USP8: variants seen among roughly 807,000 people sequenced by gnomAD.
The protein encoded by USP8 is ubiquitin specific peptidase 8, also known as ubiquitin carboxyl-terminal hydrolase 8.
In USP8, 27 loss-of-function variants were observed where a neutral mutation model predicts 130.0. The observed-to-expected ratio is 0.21, with a 90% CI of 0.15 to 0.29. The LOEUF is 0.29. USP8 is among the 10% of genes least tolerant of loss of function. The probability of loss-of-function intolerance (pLI) is 1.00; values close to 1 mark genes in which losing one functional copy is unlikely to be tolerated. For synonymous variants in USP8, 392 were observed against 444.1 expected, an observed-to-expected ratio of 0.88 and a Z score of 1.48; for missense variants, 1,029 against 1,312.2, an observed-to-expected ratio of 0.78 and a Z score of 3.33.
chr15:50,449,971 G>A (rs2050571519), intron 4 of USP8, among the ~76,000 whole-genome samples: 1 of 136,976 alleles, frequency 7.3e-6, no homozygotes, highest in African/African-American at 2.8e-5. Flanking sequence ...TCAGCTCACT[G>A]CAGACTCCGC....
In USP8 at chr15:50,513,773, G is replaced by A. The variant is rs2052770950; in HGVS notation, c.*14685G>A. The A allele has an allele frequency of 6.6e-6, 1 of 152,212 alleles. No individual in the cohort carries two copies. Among genetic ancestry groups the A allele is most frequent in the African/African-American group, 2.4e-5 (1 of 41,454 alleles). The allele number at this position is 152,212 out of a possible 1,614,324, so 9.4% of individuals were successfully genotyped here. On this transcript the variant is annotated 3_prime_UTR_variant, in exon 20 of 20. Coordinates refer to ENST00000307179, the MANE Select transcript of USP8 (RefSeq NM_005154.5). Reference sequence around the variant, plus strand: ...CAAAACGAACAAAAGACTACCAAGTGTTAACAAGGATTTAAGGCAACTGAA... The same window carrying A: ...CAAAACGAACAAAAGACTACCAAGTATTAACAAGGATTTAAGGCAACTGAA...
At chr15:50,430,002 ACAGACATTGGCCTGGTTTGCT>A (rs2049879433) in intron 1 of USP8, among the ~76,000 whole-genome samples, 1 of 152,230 alleles carries the variant, frequency 6.6e-6, no homozygotes, top group Non-Finnish European at 1.5e-5. Flanking sequence ...AATAAAACAA[ACAGACATTGGCCTGGTTTGCT>A]AAGTGCCTAT....
Position 50,471,791 on chromosome 15 carries a change from T to C in USP8, c.845T>C (p.Phe282Ser), listed in dbSNP as rs774737015. 1 of 1,613,748 alleles carries C rather than the reference T, an allele frequency of 6.2e-7. No homozygotes were observed. The highest frequency in any genetic ancestry group is 8.5e-7 in the Non-Finnish European group (1 of 1,179,936). The stretch of plus-strand genomic sequence containing the variant: ...CTCCGGAGTCTGAAAGATGCACTTT[T>C]CAAGGTTTGCAAGTTTCATTGTTAG... Reference protein sequence around the residue: ...TTLRSLKDALFKWESKTVLRN... With the variant: ...TTLRSLKDALSKWESKTVLRN... Residue 282 changes from phenylalanine to serine, a missense_variant, in exon 8 of 20, where the codon TTC becomes TCC. Coordinates refer to ENST00000307179, the MANE Select transcript of USP8 (RefSeq NM_005154.5).
intron 1 of USP8, among the ~76,000 whole-genome samples, chr15:50,426,662 A>T (rs1401157290): frequency 1.3e-5 from 2 of 152,226 alleles, no homozygotes; most frequent in African/African-American, 4.8e-5. Context: ...CTTGAACAGT[A>T]TGGCGGCTAG....
intron 4 of USP8, among the ~76,000 whole-genome samples, chr15:50,454,407 T>G (rs1279991593): frequency 6.6e-6 from 1 of 152,126 alleles, no homozygotes; most frequent in African/African-American, 2.4e-5. Flanking sequence ...TGTTTTGTTT[T>G]GTTTTAATCA....
At chr15:50,455,404 T>G (rs1465829620) in intron 4 of USP8, among the ~76,000 whole-genome samples, 1 of 143,498 alleles carries the variant, frequency 7.0e-6, no homozygotes, top group African/African-American at 2.5e-5. Context: ...GTGTGGTTCT[T>G]TTTTATAGCG....
chr15:50,456,660 T>G (rs1035411335), intron 4 of USP8, among the ~76,000 whole-genome samples: 1 of 151,048 alleles, frequency 6.6e-6, no homozygotes, highest in African/African-American at 2.4e-5. Flanking sequence ...CCGACGAGGG[T>G]GGATCACTTT....
At chr15:50,493,571 A>T in intron 15 of USP8, 3 of 490,190 alleles carry the variant, frequency 6.1e-6, no homozygotes, top group Non-Finnish European at 1.2e-5. Flanking sequence ...CTGGGCAACA[A>T]GGCAAAACTC....
intron 14 of USP8, 121 bp from the exon 15 acceptor site, chr15:50,492,580 T>C (rs558746348): frequency 1.1e-6 from 1 of 921,950 alleles, no homozygotes; most frequent in Admixed American, 2.8e-5. Flanking sequence ...TGAGTTAACA[T>C]ATTAACTGTT....
chr15:50,513,739 G>A lies in USP8; in HGVS notation c.*14651G>A, dbSNP rs986478642. The A allele has an allele frequency of 4.6e-5, 7 of 152,142 alleles. No homozygotes were observed. The highest frequency in any genetic ancestry group is 2.1e-4 in the South Asian group (1 of 4,830). 9.4% of individuals were successfully genotyped at this position (152,142 alleles called of 1,614,324 possible). ...CATTCTACTATATGGGCAACCAGAA[G>A]GGCCAAAACAAAACGAACAAAAGAC... On this transcript the variant is annotated 3_prime_UTR_variant, in exon 20 of 20. Coordinates refer to ENST00000307179, the MANE Select transcript of USP8 (RefSeq NM_005154.5).
At position 50,456,263 on chromosome 15, in the gene USP8, G is replaced by C. The variant is rs548837207; in HGVS notation, c.336-2737G>C. The stretch of plus-strand genomic sequence containing the variant: ...TGGAATACATAATTCAGAAGGAATT[G>C]CTAAGCGTAAAGATAGAAACTGCTT... On this transcript the variant is annotated intron_variant, in intron 4 of 19. Transcript: ENST00000307179. Among the ~76,000 whole-genome samples, 19 of 152,234 alleles carry C rather than the reference G, an allele frequency of 1.2e-4. No homozygotes were observed. The South Asian group carries it at 1.7e-3, about 13-fold the overall frequency.
Position 50,509,058 on chromosome 15 carries a change from C to CCA in USP8, c.*9970_*9971insCA. On this transcript the variant is annotated 3_prime_UTR_variant, in exon 20 of 20. Transcript: ENST00000307179. ...CTGAGGCAGGAGAATGGCGTGAACC[C>CCA]GGGGTCGGAGCTTGCAGTGAGCCAA... is the stretch of plus-strand genomic sequence containing the variant. 1 of 144,956 alleles carries CCA rather than the reference C, an allele frequency of 6.9e-6. No individual in the cohort carries two copies. Among genetic ancestry groups the CCA allele is most frequent in the South Asian group, 2.2e-4 (1 of 4,512 alleles). The allele number at this position is 144,956 out of a possible 1,614,324, so 9.0% of individuals were successfully genotyped here. A position where few individuals can be genotyped will look rare whatever the true frequency, so the allele number is the denominator to read the frequency against.
intron 16 of USP8, 87 bp from the exon 17 acceptor site, chr15:50,495,761 G>GTATTTACTTTT: frequency 9.4e-7 from 1 of 1,064,522 alleles, no homozygotes; most frequent in Admixed American, 2.6e-5. Context: ...TTCTAAATCT[G>GTATTTACTTTT]GCAAGTGTTT....
rs1021307647 is a variant in USP8 at position 50,503,859 on chromosome 15, A to G, written c.*4771A>G. The G allele has an allele frequency of 3.9e-5, 6 of 152,226 alleles. No homozygotes were observed. Among genetic ancestry groups the G allele is most frequent in the African/African-American group, 1.4e-4 (6 of 41,464 alleles). 9.4% of individuals were successfully genotyped at this position (152,226 alleles called of 1,614,324 possible). ...AAATAATAGAACATGCAAGGAAACAATTTATCATAAGAGTCAGAAGGCAAT... is the reference window on the plus strand; with the variant it reads ...AAATAATAGAACATGCAAGGAAACAGTTTATCATAAGAGTCAGAAGGCAAT... On this transcript the variant is annotated 3_prime_UTR_variant, in exon 20 of 20. Transcript: ENST00000307179.
chr15:50,465,218 A>T, intron 7 of USP8, 27 bp downstream of exon 7: 1 of 1,606,226 alleles, frequency 6.2e-7, no homozygotes, highest in African/African-American at 1.3e-5. Context: ...TAAAGTAGTA[A>T]ACTGTGTAGT....
At chr15:50,429,050 G>A (rs1238264154) in intron 1 of USP8, among the ~76,000 whole-genome samples, 2 of 152,076 alleles carry the variant, frequency 1.3e-5, no homozygotes, top group African/African-American at 4.8e-5. Flanking sequence ...GAAGTGAGGT[G>A]GTGCACAATT....
At position 50,489,832 on chromosome 15, in the gene USP8, G is replaced by T; in HGVS notation, c.1922G>T (p.Ser641Ile). Residue 641 changes from serine (S) to isoleucine (I), a missense_variant, in exon 13 of 20, where the codon AGT (serine) becomes ATT (isoleucine). By Grantham distance (142) the Ser-to-Ile change is moderately radical. Coordinates refer to ENST00000307179, the MANE Select transcript of USP8 (RefSeq NM_005154.5). ...AQREPLTRAR[S>I]EEMGRIVPGL... Reference sequence around the variant, plus strand: ...CGAGAACCTTTGACAAGAGCACGAAGTGAAGAAATGGGGAGGATCGTACCA... The same window carrying T: ...CGAGAACCTTTGACAAGAGCACGAATTGAAGAAATGGGGAGGATCGTACCA... 1 of 1,573,342 alleles carries T rather than the reference G, an allele frequency of 6.4e-7. No homozygotes were observed. Among genetic ancestry groups the T allele is most frequent in the South Asian group, 1.2e-5 (1 of 82,770 alleles).
chr15:50,485,068 A>G (rs919673541), intron 12 of USP8, among the ~76,000 whole-genome samples: 6 of 152,200 alleles, frequency 3.9e-5, no homozygotes, highest in African/African-American at 9.6e-5. Flanking sequence ...TGGCACAGCA[A>G]TATACTTAGT....
At chr15:50,493,531 T>C (rs924440391) in intron 15 of USP8, 9 of 515,772 alleles carry the variant, frequency 1.7e-5, no homozygotes, top group Non-Finnish European at 3.5e-5. Flanking sequence ...CGTGGGCAGA[T>C]CACTTGGGGC....
Sources: gnomAD v4.1 joint callset for allele counts (sites outside exome capture counted in the v4.1 genomes callset) on GRCh38, gnomAD v4.1.1 for gene constraint, MANE v1.5 for transcripts, NCBI Gene and HGNC (gene_info 2026-07-23, HGNC 2026-07-21) for gene names.